Variants in OSBPL3 observed in about 807,000 individuals in gnomAD.
The protein encoded by OSBPL3 is oxysterol binding protein like 3, also known as oxysterol-binding protein-related protein 3.
OSBPL3 carries 65 observed loss-of-function variants against 120.1 expected under a neutral mutation model. That is an observed-to-expected ratio of 0.54 (90% CI 0.44 to 0.67). The LOEUF is 0.67. Among genes scored for constraint, OSBPL3 ranks in the 30% least tolerant of loss-of-function variants. The pLI is 0.00. For missense variants in OSBPL3, 1,004 were observed against 1,082.1 expected (o/e 0.93, Z 1.01); for synonymous variants, 416 against 402.6 (o/e 1.03, Z -0.40).
chr7:24,870,140 T>C (rs1801898337), intron 5 of OSBPL3, among the ~76,000 whole-genome samples: 1 of 152,358 alleles, frequency 6.6e-6, no homozygotes, highest in South Asian at 2.1e-4. Context: ...CAATGGCTAG[T>C]GAGTAGCCAC....
chr7:24,812,315 A>G (rs1793918706), intron 19 of OSBPL3, among the ~76,000 whole-genome samples: 1 of 151,750 alleles, frequency 6.6e-6, no homozygotes, highest in African/African-American at 2.4e-5. Context: ...AAAAAAAAAA[A>G]AAAAAAAAAG....
rs766625086 is a variant in OSBPL3, at chr7:24,824,541, C to T, written c.1885-4303G>A. ...TACAGGGCAATAACGAAAAAGAGGG[C>T]AAGTGCCAGGTGAAGAAGTCATCCA... On this transcript the variant is annotated intron_variant, in intron 16 of 22. Coordinates refer to ENST00000313367, the MANE Select transcript of OSBPL3 (RefSeq NM_015550.4). The surrounding 1 kb of genome is among the most constrained non-coding windows in gnomAD (Gnocchi z 4.9). Among the ~76,000 whole-genome samples, 8 of 152,138 alleles carry T rather than the reference C, an allele frequency of 5.3e-5. No homozygotes were observed. The highest frequency in any genetic ancestry group is 2.6e-4 in the Admixed American group (4 of 15,268).
intron 1 of OSBPL3, among the ~76,000 whole-genome samples, chr7:24,905,456 T>C (rs966148793): frequency 1.3e-5 from 2 of 151,978 alleles, no homozygotes; most frequent in South Asian, 4.2e-4. Context: ...AAAATGAAAA[T>C]TGGGTAGATT....
At chr7:24,969,118 T>C (rs1816721217) in intron 1 of OSBPL3, among the ~76,000 whole-genome samples, 1 of 152,258 alleles carries the variant, frequency 6.6e-6, no homozygotes, top group Non-Finnish European at 1.5e-5. Flanking sequence ...CCATCCACGA[T>C]GTATGAATAC....
In OSBPL3 at chr7:24,835,607, T is replaced by C. The variant is rs115542429; in HGVS notation, c.1496-871A>G. ...TATATTGTTCTACCATAAAGACGCA[T>C]GCACGTGTATGTTTATCACAGCACT... On this transcript the variant is annotated intron_variant, in intron 14 of 22. Transcript: ENST00000313367. The surrounding 1 kb of genome is among the most constrained non-coding windows in gnomAD (Gnocchi z 4.8). 4.7e-3 allele frequency among the ~76,000 whole-genome samples: 716 copies of C among 152,268 alleles called. 2 individuals are homozygous for C. Among genetic ancestry groups the C allele is most frequent in the African/African-American group, 0.016 (670 of 41,558 alleles).
chr7:24,861,850 G>T, intron 9 of OSBPL3, 81 bp from the exon 10 acceptor site: 4 of 942,464 alleles, frequency 4.2e-6, no homozygotes, highest in South Asian at 2.0e-5. Flanking sequence ...ATTGAAACAT[G>T]GTAATACAAA....
rs1407401209 is a variant in OSBPL3, at chr7:24,930,762, T to C, written c.-149-38141A>G. Among the ~76,000 whole-genome samples the C allele has an allele frequency of 3.3e-5, 5 of 152,178 alleles. No individual in the cohort carries two copies. Among genetic ancestry groups the C allele is most frequent in the Admixed American group, 2.6e-4 (4 of 15,280 alleles). ...GGTCTGGCTCTCTGAAAGCCTTCTG[T>C]GGAGTCTTTAAGGGTTTAAGAACCT... On this transcript the variant is annotated intron_variant, in intron 1 of 22. Coordinates refer to ENST00000313367, the MANE Select transcript of OSBPL3 (RefSeq NM_015550.4). This position sits in a 1 kb window ranked among gnomAD's most constrained non-coding sequence, Gnocchi z 4.4.
Position 24,833,401 on chromosome 7 carries a change from A to G in OSBPL3, c.1746+1085T>C, listed in dbSNP as rs1796624848. Among the ~76,000 whole-genome samples, 1 of 152,212 alleles carries G rather than the reference A, an allele frequency of 6.6e-6. No individual in the cohort carries two copies. The highest frequency in any genetic ancestry group is 1.5e-5 in the Non-Finnish European group (1 of 68,038). ...AGTCTCTTTGATGGGGAGGCCCTGG[A>G]GACTGGGCAGAATGACTATGGGCTA... On this transcript the variant is annotated intron_variant, in intron 15 of 22. Transcript: ENST00000313367. This position sits in a 1 kb window ranked among gnomAD's most constrained non-coding sequence, Gnocchi z 4.4.
In OSBPL3 at chr7:24,807,033, T is replaced by G; in HGVS notation, c.2318-131A>C. On this transcript the variant is annotated intron_variant, in intron 20 of 22. Transcript: ENST00000313367. ...GCTCCCTTCCATTTCTGTTAAAATA[T>G]TCTGACTAATGAACAGGCACTGAAC... The G allele has an allele frequency of 5.3e-6, 4 of 748,512 alleles. No homozygotes were observed. The East Asian group carries it at 1.0e-4, about 19-fold the overall frequency. The allele number at this position is 748,512 out of a possible 1,614,324, so 46.4% of individuals were successfully genotyped here. A position where few individuals can be genotyped will look rare whatever the true frequency, so the allele number is the denominator to read the frequency against.
intron 12 of OSBPL3, among the ~76,000 whole-genome samples, chr7:24,846,069 A>G (rs140270725): frequency 5.8e-4 from 89 of 152,274 alleles, no homozygotes; most frequent in African/African-American, 2.1e-3. Context: ...CCCCTTTCCC[A>G]TTGGCTTTTG....
At chr7:24,908,137 T>C (rs980158794) in intron 1 of OSBPL3, among the ~76,000 whole-genome samples, 11 of 152,228 alleles carry the variant, frequency 7.2e-5, no homozygotes, top group Admixed American at 2.0e-4. Context: ...TCTAGTACCA[T>C]AGAGATGTTA....
chr7:24,826,961 A>C (rs75782614), intron 16 of OSBPL3, among the ~76,000 whole-genome samples: 3 of 152,296 alleles, frequency 2.0e-5, no homozygotes, highest in Non-Finnish European at 4.4e-5. Flanking sequence ...AGGGGCTTGG[A>C]AGAGAGGCAG....
intron 12 of OSBPL3, among the ~76,000 whole-genome samples, chr7:24,843,413 T>A (rs970223009): frequency 6.6e-6 from 1 of 152,192 alleles, no homozygotes; most frequent in Non-Finnish European, 1.5e-5. Flanking sequence ...GTATTTTTTA[T>A]TGGGCTAACA....
At position 24,854,508 on chromosome 7, in the gene OSBPL3, A is replaced by G. The variant is rs933165533; in HGVS notation, c.1028-1874T>C. 2.6e-3 allele frequency among the ~76,000 whole-genome samples: 256 copies of G among 100,268 alleles called. 1 individual carries two copies. The highest frequency in any genetic ancestry group is 6.7e-3 in the African/African-American group (189 of 28,020). The allele number at this position is 100,268 out of a possible 152,430, so 65.8% of individuals were successfully genotyped here. ...AATTTGTACACACACACACGCACAC[A>G]CACACACACACACACACACACACAC... On this transcript the variant is annotated intron_variant, in intron 10 of 22. Transcript: ENST00000313367. This position sits in a 1 kb window ranked among gnomAD's most constrained non-coding sequence, Gnocchi z 4.1.
intron 1 of OSBPL3, among the ~76,000 whole-genome samples, chr7:24,927,017 A>AT (rs768482000): frequency 1.2e-3 from 178 of 152,308 alleles, no homozygotes; most frequent in Non-Finnish European, 1.9e-3. Flanking sequence ...ATTCAAATAG[A>AT]TTTTTTTGTA....
At chr7:24,875,344 A>G (rs1802700598) in intron 2 of OSBPL3, among the ~76,000 whole-genome samples, 1 of 152,224 alleles carries the variant, frequency 6.6e-6, no homozygotes, top group Non-Finnish European at 1.5e-5. Context: ...AATATAGCAC[A>G]CCTGTATCCT....
Position 24,806,893 on chromosome 7 carries a change from G to A in OSBPL3, c.2327C>T (p.Pro776Leu), listed in dbSNP as rs372736919. 3.7e-6 allele frequency: 6 copies of A among 1,608,014 alleles called. No homozygotes were observed. Among genetic ancestry groups the A allele is most frequent in the Non-Finnish European group, 5.1e-6 (6 of 1,177,162 alleles). ...GCTATAGTATTGCTCGTAGCCTTTC[G>A]GCATAGGATCTAAGAAGAAAATAAA... is the stretch of plus-strand genomic sequence containing the variant. ...SACVWRANPM[P>L]KGYEQYYSFT... The change falls in exon 21 of 23, where the codon CCG (proline) becomes CTG (leucine). Residue 776 changes from proline to leucine, a missense_variant. By Grantham distance (98) the Pro-to-Leu change is moderately conservative. Transcript: ENST00000313367. This position sits in a 1 kb window ranked among gnomAD's most constrained non-coding sequence, Gnocchi z 5.2.
At chr7:24,801,475 G>T (rs77687285) in intron 22 of OSBPL3, among the ~76,000 whole-genome samples, 1 of 152,142 alleles carries the variant, frequency 6.6e-6, no homozygotes, top group Admixed American at 6.5e-5. Flanking sequence ...CCGTGTGTGT[G>T]TGTGTGAACA....
intron 16 of OSBPL3, among the ~76,000 whole-genome samples, chr7:24,826,298 G>A (rs1025527708): frequency 6.6e-6 from 1 of 152,214 alleles, no homozygotes; most frequent in Admixed American, 6.5e-5. Flanking sequence ...CTCTGAGAAG[G>A]TGGAAGAGCC....
Sources: allele counts gnomAD v4.1 joint callset (sites outside exome capture counted in the v4.1 genomes callset), GRCh38; gene constraint gnomAD v4.1.1; non-coding constraint Gnocchi (gnomAD v3.1); transcripts MANE v1.5; gene names NCBI Gene and HGNC (gene_info 2026-07-23, HGNC 2026-07-21).